Variants in FOXP1 observed in about 807,000 individuals in gnomAD.
FOXP1 encodes the protein forkhead box protein P1.
Under a neutral mutation model 98.2 loss-of-function variants are expected in FOXP1, and 15 were observed. The observed-to-expected ratio is 0.15, with a 90% confidence interval of 0.10 to 0.24. FOXP1 has a LOEUF of 0.24. FOXP1 is among the 10% of genes least tolerant of loss of function. The pLI, the probability that FOXP1 is intolerant of heterozygous loss-of-function variation, is 1.00. For synonymous variants in FOXP1, 371 were observed against 314.5 expected, an observed-to-expected ratio of 1.18 and a Z score of -1.90; for missense variants, 633 against 848.5, an observed-to-expected ratio of 0.75 and a Z score of 3.15.
chr3:71,501,826 T>A (rs149045494), intron 2 of FOXP1, among the ~76,000 whole-genome samples: 1 of 152,284 alleles, frequency 6.6e-6, no homozygotes, highest in Non-Finnish European at 1.5e-5. Context: ...CTAAGACTCA[T>A]ATTGTGGTAC....
At chr3:71,301,160 A>C (rs1261801505) in intron 4 of FOXP1, among the ~76,000 whole-genome samples, 1 of 152,182 alleles carries the variant, frequency 6.6e-6, no homozygotes, top group African/African-American at 2.4e-5. Flanking sequence ...TGGGTGGGGG[A>C]AAACCCTAGC....
chr3:71,350,353 CCTCCAATCTCCCTT>C (rs1408276928), intron 4 of FOXP1, among the ~76,000 whole-genome samples: 3 of 152,112 alleles, frequency 2.0e-5, no homozygotes, highest in African/African-American at 4.8e-5. Context: ...GCTATGAGGC[CCTCCAATCTCCCTT>C]CTCCAATCCC....
At chr3:71,258,274 T>C (rs560399830) in intron 5 of FOXP1, among the ~76,000 whole-genome samples, 3 of 152,112 alleles carry the variant, frequency 2.0e-5, no homozygotes, top group Non-Finnish European at 4.4e-5. Flanking sequence ...ATAGAAGTCA[T>C]ATTTGAGCCA....
At chr3:71,149,408 C>A (rs1165697196) in intron 6 of FOXP1, among the ~76,000 whole-genome samples, 1 of 152,072 alleles carries the variant, frequency 6.6e-6, no homozygotes, top group East Asian at 1.9e-4. Flanking sequence ...TGGGATGCCT[C>A]TTAAAAGACA....
At chr3:71,385,094 C>G (rs565356634) in intron 3 of FOXP1, among the ~76,000 whole-genome samples, 1 of 141,304 alleles carries the variant, frequency 7.1e-6, no homozygotes, top group Non-Finnish European at 1.5e-5. Flanking sequence ...AGAAGGGGCA[C>G]GGGAAAAGGA....
intron 5 of FOXP1, among the ~76,000 whole-genome samples, chr3:71,227,231 G>A (rs942648981): frequency 7.2e-5 from 11 of 152,012 alleles, no homozygotes; most frequent in African/African-American, 2.4e-4. Context: ...ATGTCTCCTC[G>A]GATCCCCTTC....
intron 3 of FOXP1, among the ~76,000 whole-genome samples, chr3:71,368,188 G>A (rs1366527780): frequency 6.7e-6 from 1 of 149,588 alleles, no homozygotes; most frequent in African/African-American, 2.5e-5. Flanking sequence ...ACAATGGTGT[G>A]ATCTCGGCTC....
At chr3:71,447,605 G>T (rs2086567879) in intron 3 of FOXP1, among the ~76,000 whole-genome samples, 1 of 152,208 alleles carries the variant, frequency 6.6e-6, no homozygotes, top group Non-Finnish European at 1.5e-5. Flanking sequence ...CCCACTAAGG[G>T]AGCGTGTGGA....
intron 3 of FOXP1, among the ~76,000 whole-genome samples, chr3:71,372,242 G>C (rs892777064): frequency 6.7e-6 from 1 of 149,316 alleles, no homozygotes; most frequent in African/African-American, 2.5e-5. Flanking sequence ...AGGTGGTCTC[G>C]AACTCCTGAC....
intron 5 of FOXP1, among the ~76,000 whole-genome samples, chr3:71,219,189 G>A (rs1178850101): frequency 1.3e-5 from 2 of 151,982 alleles, no homozygotes; most frequent in African/African-American, 2.4e-5. Context: ...CTCATCACAT[G>A]CCCTCATCAC....
At chr3:71,286,877 G>C (rs2072201028) in intron 5 of FOXP1, among the ~76,000 whole-genome samples, 1 of 152,140 alleles carries the variant, frequency 6.6e-6, no homozygotes, top group Admixed American at 6.5e-5. Context: ...GGAGAAACTA[G>C]GTGATTATCT....
intron 6 of FOXP1, among the ~76,000 whole-genome samples, chr3:71,120,950 GA>G (rs2058718151): frequency 6.6e-6 from 1 of 152,126 alleles, no homozygotes; most frequent in African/African-American, 2.4e-5. Flanking sequence ...GTAGGTTTGG[GA>G]GTTGTGCTTT....
intron 3 of FOXP1, among the ~76,000 whole-genome samples, chr3:71,405,145 C>T (rs2082229292): frequency 6.6e-6 from 1 of 152,184 alleles, no homozygotes; most frequent in African/African-American, 2.4e-5. Context: ...GGATGCATGG[C>T]CCCAAACTCA....
intron 4 of FOXP1, among the ~76,000 whole-genome samples, chr3:71,322,378 T>G (rs901132597): frequency 4.6e-5 from 7 of 152,240 alleles, no homozygotes; most frequent in African/African-American, 1.7e-4. Flanking sequence ...TCAGCTATCA[T>G]AGTGGATAGT....
chr3:71,331,257 G>A (rs2076278752), intron 4 of FOXP1, among the ~76,000 whole-genome samples: 1 of 152,194 alleles, frequency 6.6e-6, no homozygotes, highest in Non-Finnish European at 1.5e-5. Flanking sequence ...CTGGGGCAGT[G>A]AGGGGCTTAG....
chr3:71,095,531 T>C (rs536422057), intron 7 of FOXP1, among the ~76,000 whole-genome samples: 1 of 152,338 alleles, frequency 6.6e-6, no homozygotes, highest in South Asian at 2.1e-4. Flanking sequence ...GGCAGTTTTT[T>C]CTTTCCATAT....
intron 4 of FOXP1, among the ~76,000 whole-genome samples, chr3:71,341,639 C>T (rs982607313): frequency 4.6e-5 from 7 of 152,176 alleles, no homozygotes; most frequent in Non-Finnish European, 1.0e-4. Context: ...GCGGAGGTTG[C>T]TGTGAGCTAA....
At chr3:71,524,259 G>A (rs1396778200) in intron 2 of FOXP1, among the ~76,000 whole-genome samples, 1 of 152,136 alleles carries the variant, frequency 6.6e-6, no homozygotes, top group Non-Finnish European at 1.5e-5. Flanking sequence ...AGCTACTAGG[G>A]AGGCTGAGGC....
At chr3:71,187,981 G>A (rs1176190544) in intron 6 of FOXP1, among the ~76,000 whole-genome samples, 5 of 152,128 alleles carry the variant, frequency 3.3e-5, no homozygotes, top group Admixed American at 3.3e-4. Flanking sequence ...GCTATAAAGA[G>A]AACTACTTCG....
Sources: allele counts gnomAD v4.1 joint callset (sites outside exome capture counted in the v4.1 genomes callset), GRCh38; gene constraint gnomAD v4.1.1; transcripts MANE v1.5; gene names NCBI Gene and HGNC (gene_info 2026-07-23, HGNC 2026-07-21).